Variants in ERBB4 observed in about 807,000 individuals in gnomAD.
The protein encoded by ERBB4 is erb-b2 receptor tyrosine kinase 4.
Under a neutral mutation model 158.0 loss-of-function variants are expected in ERBB4, and 42 were observed. The ratio of observed to expected loss-of-function variants is 0.27; its 90% CI spans 0.21 to 0.34. ERBB4 has a LOEUF of 0.34. ERBB4 is among the 10% of genes least tolerant of loss of function. ERBB4 has a pLI of 1.00. For missense variants in ERBB4, 1,333 were observed against 1,624.1 expected, an observed-to-expected ratio of 0.82 and a Z score of 3.08; for synonymous variants, 583 against 558.7, an observed-to-expected ratio of 1.04 and a Z score of -0.61.
At chr2:211,408,310 A>AT (rs1354620543) in intron 25 of ERBB4, among the ~76,000 whole-genome samples, 4 of 152,314 alleles carry the variant, frequency 2.6e-5, no homozygotes, top group African/African-American at 9.6e-5. Flanking sequence ...AAAATTAACC[A>AT]TCTAAATGAT....
rs75073499 is a variant in ERBB4 at position 211,555,592 on chromosome 2, A to G, written c.2487+6311T>C. The stretch of plus-strand genomic sequence containing the variant: ...AAAATATTTTACAAAATACTTCCTT[A>G]TAAGGAAGCCCATCAGACTAACAGT... On this transcript the variant is annotated intron_variant, in intron 20 of 27. Coordinates refer to ENST00000342788, the MANE Select transcript of ERBB4 (RefSeq NM_005235.3). Among the ~76,000 whole-genome samples, 1,014 of 152,358 alleles carry G rather than the reference A, an allele frequency of 6.7e-3. 7 individuals are homozygous for G. Among genetic ancestry groups the G allele is most frequent in the Middle Eastern group, 0.037 (11 of 294 alleles).
At chr2:212,056,438 A>G (rs1348898670) in intron 2 of ERBB4, among the ~76,000 whole-genome samples, 1 of 152,164 alleles carries the variant, frequency 6.6e-6, no homozygotes, top group Admixed American at 6.5e-5. Context: ...CACCACAAAG[A>G]GACTCCTCGA....
At chr2:212,067,408 T>C (rs1210297780) in intron 2 of ERBB4, among the ~76,000 whole-genome samples, 2 of 151,980 alleles carry the variant, frequency 1.3e-5, no homozygotes, top group Non-Finnish European at 2.9e-5. Context: ...ATTGTAGACT[T>C]ATTCACTGTT....
chr2:211,404,158 A>G (rs1051760873), intron 25 of ERBB4, among the ~76,000 whole-genome samples: 1 of 151,922 alleles, frequency 6.6e-6, no homozygotes, highest in East Asian at 1.9e-4. Flanking sequence ...CTTCAGCGTT[A>G]TTTTTGCAAC....
chr2:211,692,539 TC>T (rs1295728336), intron 12 of ERBB4, among the ~76,000 whole-genome samples: 1 of 152,132 alleles, frequency 6.6e-6, no homozygotes, highest in Non-Finnish European at 1.5e-5. Context: ...GCTGATTGCT[TC>T]TGAAGTCTCC....
intron 1 of ERBB4, among the ~76,000 whole-genome samples, chr2:212,141,254 G>C (rs981315421): frequency 4.6e-5 from 7 of 151,790 alleles, no homozygotes; most frequent in Admixed American, 4.6e-4. Context: ...CAGATGCTAT[G>C]GGTGATAGTC....
intron 1 of ERBB4, among the ~76,000 whole-genome samples, chr2:212,347,870 G>A (rs1272180160): frequency 1.3e-5 from 2 of 151,956 alleles, no homozygotes; most frequent in African/African-American, 4.8e-5. Flanking sequence ...TTTAAGGGGG[G>A]AAAGTTCAAG....
chr2:211,842,987 A>C (rs1329629085), intron 3 of ERBB4, among the ~76,000 whole-genome samples: 1 of 152,154 alleles, frequency 6.6e-6, no homozygotes, highest in South Asian at 2.1e-4. Flanking sequence ...GTTATAAAAC[A>C]GTTAAAATCA....
chr2:211,977,878 C>A (rs1296924724), intron 2 of ERBB4, among the ~76,000 whole-genome samples: 9 of 136,092 alleles, frequency 6.6e-5, no homozygotes, highest in African/African-American at 7.8e-5. Flanking sequence ...AAAAAAGCAA[C>A]TTGAAAAGAG....
intron 20 of ERBB4, among the ~76,000 whole-genome samples, chr2:211,445,524 G>A (rs760069163): frequency 2.8e-4 from 42 of 151,980 alleles, no homozygotes; most frequent in Non-Finnish European, 4.1e-4. Flanking sequence ...AAGACAGAGT[G>A]TTATTTCTTG....
At chr2:211,782,732 A>C (rs931064097) in intron 4 of ERBB4, among the ~76,000 whole-genome samples, 1 of 152,100 alleles carries the variant, frequency 6.6e-6, no homozygotes, top group African/African-American at 2.4e-5. Context: ...ATTGGTCTAT[A>C]TCTCTGTTTT....
intron 2 of ERBB4, among the ~76,000 whole-genome samples, chr2:211,998,543 A>G (rs1559281996): frequency 6.6e-6 from 1 of 151,768 alleles, no homozygotes; most frequent in Non-Finnish European, 1.5e-5. Flanking sequence ...AAAAAAAAAA[A>G]AAAAGAAATA....
At chr2:212,347,110 T>C (rs1505359) in intron 1 of ERBB4, among the ~76,000 whole-genome samples, 55,991 of 151,936 alleles carry the variant, frequency 0.37, 11,854 homozygotes, top group East Asian at 0.77. Context: ...GGAAAAATGC[T>C]TTGGCAATCT....
intron 1 of ERBB4, among the ~76,000 whole-genome samples, chr2:212,344,823 T>C (rs145773123): frequency 2.0e-5 from 3 of 152,068 alleles, no homozygotes; most frequent in South Asian, 2.1e-4. Flanking sequence ...CTAGAACAAA[T>C]CTAATTTTGG....
In ERBB4 at chr2:211,522,693, C is replaced by T. The variant is rs1421395865; in HGVS notation, c.2487+39210G>A. Reference sequence around the variant, plus strand: ...AATAATGGCAAACTTCACTGTCATCCTATTTTAAGAAATTTCACCATCAGA... The same window carrying T: ...AATAATGGCAAACTTCACTGTCATCTTATTTTAAGAAATTTCACCATCAGA... On this transcript the variant is annotated intron_variant, in intron 20 of 27. Coordinates refer to ENST00000342788, the MANE Select transcript of ERBB4 (RefSeq NM_005235.3). 5.9e-5 allele frequency among the ~76,000 whole-genome samples: 9 copies of T among 152,054 alleles called. No homozygotes were observed. The East Asian group carries it at 1.7e-3, about 29-fold the overall frequency.
At chr2:211,912,223 C>T (rs2079557545) in intron 3 of ERBB4, among the ~76,000 whole-genome samples, 1 of 152,052 alleles carries the variant, frequency 6.6e-6, no homozygotes, top group East Asian at 1.9e-4. Context: ...CAATTATGTG[C>T]ACATCTTTAG....
chr2:212,141,284 T>C (rs920678016), intron 1 of ERBB4, among the ~76,000 whole-genome samples: 17 of 151,962 alleles, frequency 1.1e-4, no homozygotes, highest in African/African-American at 4.1e-4. Context: ...TTACAACACA[T>C]AAAAAGAATT....
chr2:211,536,818 T>C (rs542409303), intron 20 of ERBB4, among the ~76,000 whole-genome samples: 33 of 152,136 alleles, frequency 2.2e-4, no homozygotes, highest in Middle Eastern at 3.4e-3. Context: ...GGATAGCCTA[T>C]TAACTTTAAC....
At chr2:212,484,644 C>G (rs950981827) in intron 1 of ERBB4, among the ~76,000 whole-genome samples, 1 of 152,166 alleles carries the variant, frequency 6.6e-6, no homozygotes, top group Non-Finnish European at 1.5e-5. Flanking sequence ...CTCAGTGTCT[C>G]CTTTGACTGG....
Sources: allele counts gnomAD v4.1 joint callset (sites outside exome capture counted in the v4.1 genomes callset), GRCh38; gene constraint gnomAD v4.1.1; transcripts MANE v1.5; gene names NCBI Gene and HGNC (gene_info 2026-07-23, HGNC 2026-07-21).